RBP2: variants seen among roughly 807,000 people sequenced by gnomAD.
RBP2 encodes the protein retinol-binding protein 2.
Under a neutral mutation model 17.0 loss-of-function variants are expected in RBP2, and 17 were observed. The ratio of observed to expected loss-of-function variants is 1.00; its 90% CI spans 0.68 to 1.50. The LOEUF is 1.50. RBP2 is among the 40% of genes most tolerant of loss of function. The pLI is 0.00. For missense variants in RBP2, 158 were observed against 168.2 expected, an observed-to-expected ratio of 0.94 and a Z score of 0.33; for synonymous variants, 48 against 57.1, an observed-to-expected ratio of 0.84 and a Z score of 0.72.
chr3:139,463,040 C>G (rs1933245217), intron 1 of RBP2, among the ~76,000 whole-genome samples: 1 of 151,750 alleles, frequency 6.6e-6, no homozygotes, highest in Non-Finnish European at 1.5e-5. Flanking sequence ...CACCATTTGC[C>G]CAGGCTGGTC....
At chr3:139,456,824 C>CT (rs1475606186) in intron 2 of RBP2, among the ~76,000 whole-genome samples, 4 of 152,108 alleles carry the variant, frequency 2.6e-5, no homozygotes, top group Non-Finnish European at 5.9e-5. Flanking sequence ...AAAAGGTCTC[C>CT]TTTTCCTTTA....
intron 2 of RBP2, among the ~76,000 whole-genome samples, chr3:139,459,158 A>G (rs1011423805): frequency 1.4e-4 from 21 of 152,056 alleles, no homozygotes; most frequent in Admixed American, 3.9e-4. Context: ...CTGGAAAACA[A>G]TAGCATGAGG....
At chr3:139,466,381 C>T (rs1216316985) in intron 1 of RBP2, 6 of 152,172 alleles carry the variant, frequency 3.9e-5, no homozygotes, top group African/African-American at 1.4e-4. Flanking sequence ...AACTGCTGAC[C>T]TGTTTAGGTA....
chr3:139,457,025 C>T (rs1183515275), intron 2 of RBP2, among the ~76,000 whole-genome samples: 4 of 152,158 alleles, frequency 2.6e-5, no homozygotes, highest in African/African-American at 4.8e-5. Context: ...AGGACGGTGT[C>T]GTCTGTCCTC....
At chr3:139,472,012 C>T (rs1412496318) in intron 1 of RBP2, among the ~76,000 whole-genome samples, 1 of 152,230 alleles carries the variant, frequency 6.6e-6, no homozygotes, top group Non-Finnish European at 1.5e-5. Context: ...TTTGCCTCCT[C>T]CTTGCACTTC....
At chr3:139,472,373 AG>A (rs2107883787) in intron 1 of RBP2, among the ~76,000 whole-genome samples, 1 of 152,310 alleles carries the variant, frequency 6.6e-6, no homozygotes, top group East Asian at 1.9e-4. Flanking sequence ...CATCCCACTG[AG>A]AGGTGGGGTC....
chr3:139,457,362 G>A (rs958486197), intron 2 of RBP2, among the ~76,000 whole-genome samples: 22 of 152,320 alleles, frequency 1.4e-4, no homozygotes, highest in African/African-American at 4.6e-4. Context: ...AGGAGAGGGC[G>A]TCTGATTCAT....
Position 139,462,558 on chromosome 3 carries a change from AACAC to A in RBP2, c.74-272_74-269del, listed in dbSNP as rs59601422. On this transcript the variant is annotated intron_variant, in intron 1 of 3. Coordinates refer to ENST00000232217, the MANE Select transcript of RBP2 (RefSeq NM_004164.3). ...CCTCACCCCTAAGCTGCAGCTCCCC[AACAC>A]ACACACACACACACACACACACACA... 3.5e-3 allele frequency among the ~76,000 whole-genome samples: 426 copies of A among 121,338 alleles called. 2 individuals are homozygous for A. Among genetic ancestry groups the A allele is most frequent in the Middle Eastern group, 0.013 (3 of 230 alleles). 79.6% of individuals were successfully genotyped at this position (121,338 alleles called of 152,430 possible).
At chr3:139,462,527 C>T (rs1004180608) in intron 1 of RBP2, among the ~76,000 whole-genome samples, 35 of 141,566 alleles carry the variant, frequency 2.5e-4, no homozygotes, top group Non-Finnish European at 5.3e-4. Context: ...AGATGTAGCA[C>T]GCAAGCCTCA....
intron 1 of RBP2, among the ~76,000 whole-genome samples, chr3:139,462,662 G>T (rs1361190678): frequency 6.6e-6 from 1 of 151,362 alleles, no homozygotes; most frequent in African/African-American, 2.4e-5. Context: ...TGAACAAAAA[G>T]ATCTCATGAT....
Position 139,476,391 on chromosome 3 carries a change from G to A in RBP2, c.69C>T (p.Ala23=). ...CATCCCCAGTCTCCTCCTTACCCAG[G>A]GCCTTCATGTAGCCCTCAAAGTTTT... ...SNENFEGYMK[A]LDIDFATRKI... Residue 23 remains alanine (A), a synonymous_variant, in exon 1 of 4, where the codon GCC becomes GCT. Coordinates refer to ENST00000232217, the MANE Select transcript of RBP2 (RefSeq NM_004164.3). 2.5e-6 allele frequency: 4 copies of A among 1,613,674 alleles called. No individual in the cohort carries two copies. The highest frequency in any genetic ancestry group is 1.1e-5 in the South Asian group (1 of 91,046).
intron 1 of RBP2, among the ~76,000 whole-genome samples, chr3:139,464,555 C>G (rs1390668303): frequency 2.6e-5 from 4 of 152,298 alleles, no homozygotes; most frequent in Middle Eastern, 3.4e-3. Flanking sequence ...GAATCCACAA[C>G]AGAATCACAG....
At chr3:139,467,900 C>T (rs1933419996) in intron 1 of RBP2, among the ~76,000 whole-genome samples, 1 of 152,170 alleles carries the variant, frequency 6.6e-6, no homozygotes, top group Admixed American at 6.5e-5. Flanking sequence ...TCCAGCCTGG[C>T]AACACTTTTC....
chr3:139,458,221 C>CT (rs1355841818), intron 2 of RBP2, among the ~76,000 whole-genome samples: 1 of 151,674 alleles, frequency 6.6e-6, no homozygotes, highest in Non-Finnish European at 1.5e-5. Context: ...AACAACAGCT[C>CT]TTTAAGAGCA....
chr3:139,463,125 G>GC (rs1213669521), intron 1 of RBP2, among the ~76,000 whole-genome samples: 27 of 152,160 alleles, frequency 1.8e-4, no homozygotes, highest in Admixed American at 1.3e-3. Flanking sequence ...GAACCATCAT[G>GC]CCTGGCCCCC....
chr3:139,453,752 G>A (rs1052386721), intron 3 of RBP2, among the ~76,000 whole-genome samples: 4 of 152,244 alleles, frequency 2.6e-5, no homozygotes, highest in Non-Finnish European at 5.9e-5. Context: ...GGAAAAACAT[G>A]AGTGTGGGAA....
chr3:139,453,417 A>G (rs1476558894), intron 3 of RBP2, among the ~76,000 whole-genome samples: 1 of 152,234 alleles, frequency 6.6e-6, no homozygotes, highest in Non-Finnish European at 1.5e-5. Flanking sequence ...CTTGGGCAGG[A>G]TTTCTCCTAC....
intron 1 of RBP2, among the ~76,000 whole-genome samples, chr3:139,473,876 G>C (rs1250680153): frequency 6.6e-6 from 1 of 152,136 alleles, no homozygotes; most frequent in Non-Finnish European, 1.5e-5. Flanking sequence ...CTCATGACTT[G>C]GGCAGGAGCA....
intron 1 of RBP2, among the ~76,000 whole-genome samples, chr3:139,467,234 A>G (rs1212166407): frequency 6.6e-6 from 1 of 152,256 alleles, no homozygotes; most frequent in Non-Finnish European, 1.5e-5. Flanking sequence ...GGCTGGCAGC[A>G]GCATTAGCAC....
Sources: allele counts gnomAD v4.1 joint callset (sites outside exome capture counted in the v4.1 genomes callset), GRCh38; gene constraint gnomAD v4.1.1; transcripts MANE v1.5; gene names NCBI Gene and HGNC (gene_info 2026-07-23, HGNC 2026-07-21).